CYP7B1: variants seen among roughly 807,000 people sequenced by gnomAD.
The protein encoded by CYP7B1 is cytochrome P450 7B1.
Under a neutral mutation model 42.7 loss-of-function variants are expected in CYP7B1, and 29 were observed. The observed-to-expected ratio is 0.68, with a 90% CI of 0.51 to 0.93. The LOEUF is 0.93. Ranked by LOEUF, CYP7B1 falls within the 40% of genes least tolerant of loss-of-function variation. The pLI, the probability that CYP7B1 is intolerant of heterozygous loss-of-function variation, is 0.00. For synonymous variants in CYP7B1, 235 were observed against 218.2 expected (o/e 1.08, Z -0.68); for missense variants, 655 against 600.5 (o/e 1.09, Z -0.95).
Position 64,596,909 on chromosome 8 carries a change from A to G in CYP7B1, c.1254T>C (p.Phe418=), listed in dbSNP as rs1391714575. The G allele has an allele frequency of 6.2e-7, 1 of 1,611,774 alleles. No individual in the cohort carries two copies. The highest frequency in any genetic ancestry group is 1.3e-5 in the African/African-American group (1 of 74,830). The stretch of plus-strand genomic sequence containing the variant: ...TGGTTTTCTTCTTACCATCTTCTAT[A>G]AAACGATCATATCTAAACTCCTGTA... ...EAPEEFRYDR[F]IEDGKKKTTF... is the part of the protein sequence containing the mutation. Residue 418 remains phenylalanine (F), a synonymous_variant, in exon 6 of 6, where the codon TTT becomes TTC. Coordinates refer to ENST00000310193, the MANE Select transcript of CYP7B1 (RefSeq NM_004820.5).
rs77889405 is a variant in CYP7B1, at chr8:64,658,033, A to G, written c.123-33494T>C. Among the ~76,000 whole-genome samples the G allele has an allele frequency of 1.1e-4, 17 of 152,250 alleles. No individual in the cohort carries two copies. The East Asian group carries it at 2.1e-3, about 19-fold the overall frequency. ...TGGCTCCTTCTACCTGTATCCTCCC[A>G]TGGCAGGAGAGATGACCAAGCTTCC... On this transcript the variant is annotated intron_variant, in intron 1 of 5. Transcript: ENST00000310193.
rs1373988435 is a variant in CYP7B1 at position 64,593,380 on chromosome 8, T to G, written c.*3262A>C. ...AACTGTGCTCCACAGAGCAAAACTG[T>G]CAGTATATTTGCCTATCTCAGTCTT... On this transcript the variant is annotated 3_prime_UTR_variant, in exon 6 of 6. Coordinates refer to ENST00000310193, the MANE Select transcript of CYP7B1 (RefSeq NM_004820.5). 6.6e-6 allele frequency among the ~76,000 whole-genome samples: 1 copy of G among 151,986 alleles called. No individual in the cohort carries two copies. Among genetic ancestry groups the G allele is most frequent in the African/African-American group, 2.4e-5 (1 of 41,380 alleles).
At chr8:64,611,860 T>C (rs1200846745) in intron 4 of CYP7B1, among the ~76,000 whole-genome samples, 1 of 152,152 alleles carries the variant, frequency 6.6e-6, no homozygotes, top group Admixed American at 6.6e-5. Flanking sequence ...GACTTGAGCA[T>C]GATGTTCATA....
intron 1 of CYP7B1, among the ~76,000 whole-genome samples, chr8:64,750,929 C>T (rs1807716807): frequency 6.6e-6 from 1 of 152,142 alleles, no homozygotes; most frequent in African/African-American, 2.4e-5. Flanking sequence ...CGCTTCTTGA[C>T]CTTCCCTTTA....
At chr8:64,630,950 A>G (rs1805686652) in intron 1 of CYP7B1, among the ~76,000 whole-genome samples, 1 of 152,154 alleles carries the variant, frequency 6.6e-6, no homozygotes, top group South Asian at 2.1e-4. Flanking sequence ...GTAAGCTGGG[A>G]CTCTCTAAGG....
intron 5 of CYP7B1, among the ~76,000 whole-genome samples, chr8:64,601,948 C>T (rs1002419482): frequency 1.3e-5 from 2 of 152,148 alleles, no homozygotes; most frequent in Admixed American, 6.6e-5. Context: ...TTTATTTGAT[C>T]TATTTAGGCC....
intron 1 of CYP7B1, among the ~76,000 whole-genome samples, chr8:64,775,502 T>G (rs996872056): frequency 3.3e-5 from 5 of 152,208 alleles, no homozygotes; most frequent in Non-Finnish European, 5.9e-5. Context: ...TTTCCTTAGT[T>G]ACTAATGTAT....
At chr8:64,756,999 G>A (rs927796403) in intron 1 of CYP7B1, among the ~76,000 whole-genome samples, 1 of 152,158 alleles carries the variant, frequency 6.6e-6, no homozygotes, top group East Asian at 1.9e-4. Flanking sequence ...GACCAGCCAG[G>A]TCTCCAGTTG....
At chr8:64,705,438 T>C (rs1287495887) in intron 1 of CYP7B1, among the ~76,000 whole-genome samples, 1 of 151,888 alleles carries the variant, frequency 6.6e-6, no homozygotes, top group African/African-American at 2.4e-5. Flanking sequence ...AATCAATGAG[T>C]GAATGAATGG....
Position 64,660,455 on chromosome 8 carries a change from T to C in CYP7B1, c.123-35916A>G, listed in dbSNP as rs552371128. 8.5e-5 allele frequency among the ~76,000 whole-genome samples: 13 copies of C among 152,156 alleles called. No individual in the cohort carries two copies. In the South Asian group the frequency reaches 2.7e-3, roughly 32 times the overall value. On this transcript the variant is annotated intron_variant, in intron 1 of 5. Coordinates refer to ENST00000310193, the MANE Select transcript of CYP7B1 (RefSeq NM_004820.5). ...CAATGAATGAAATTATACACAAGAGTTGGTTGAGGCTGCAGTCTCACTTGA... is the reference window on the plus strand; with the variant it reads ...CAATGAATGAAATTATACACAAGAGCTGGTTGAGGCTGCAGTCTCACTTGA...
intron 1 of CYP7B1, among the ~76,000 whole-genome samples, chr8:64,643,192 T>TATACATATATATACATATATACACACAC (rs1563374454): frequency 8.7e-5 from 10 of 115,190 alleles, no homozygotes; most frequent in East Asian, 4.7e-4. Context: ...CATATATATA[T>TATACATATATATACATATATACACACAC]ACACACACAC....
chr8:64,661,070 A>G (rs1262557311), intron 1 of CYP7B1, among the ~76,000 whole-genome samples: 1 of 152,234 alleles, frequency 6.6e-6, no homozygotes, highest in East Asian at 1.9e-4. Context: ...GAAGATGTAT[A>G]TAACTTGCAG....
At chr8:64,789,417 A>T (rs1804581672) in intron 1 of CYP7B1, among the ~76,000 whole-genome samples, 2 of 152,216 alleles carry the variant, frequency 1.3e-5, no homozygotes, top group African/African-American at 4.8e-5. Flanking sequence ...CATATCTAGG[A>T]TCTTGATAAG....
intron 1 of CYP7B1, among the ~76,000 whole-genome samples, chr8:64,756,975 G>A (rs578047081): frequency 6.6e-6 from 1 of 152,290 alleles, no homozygotes; most frequent in East Asian, 1.9e-4. Flanking sequence ...GGGATTTCCA[G>A]CACTTATTGT....
At chr8:64,647,224 A>G (rs1805967647) in intron 1 of CYP7B1, among the ~76,000 whole-genome samples, 1 of 152,184 alleles carries the variant, frequency 6.6e-6, no homozygotes, top group African/African-American at 2.4e-5. Context: ...ACTATCTTAT[A>G]TGGGTGCAAT....
intron 1 of CYP7B1, among the ~76,000 whole-genome samples, chr8:64,773,400 A>C (rs4737682): frequency 0.97 from 147,058 of 152,330 alleles, 71,089 homozygotes; most frequent in African/African-American, 0.99. Context: ...TAAATGGGAT[A>C]TTCCCTATCA....
intron 1 of CYP7B1, among the ~76,000 whole-genome samples, chr8:64,692,860 C>T (rs965138737): frequency 2.0e-5 from 3 of 152,178 alleles, no homozygotes; most frequent in African/African-American, 4.8e-5. Context: ...AAACTGTTCT[C>T]GAGCCACATG....
At chr8:64,671,020 G>C (rs1247104641) in intron 1 of CYP7B1, among the ~76,000 whole-genome samples, 1 of 152,058 alleles carries the variant, frequency 6.6e-6, no homozygotes. Flanking sequence ...AGCTTGTAAG[G>C]TCTATGTAAT....
chr8:64,789,142 T>A (rs1386635691), intron 1 of CYP7B1, among the ~76,000 whole-genome samples: 1 of 152,036 alleles, frequency 6.6e-6, no homozygotes, highest in Non-Finnish European at 1.5e-5. Context: ...TGGCCAGGCT[T>A]GTCTCAAACT....
Sources: gnomAD v4.1 joint callset for allele counts (sites outside exome capture counted in the v4.1 genomes callset) on GRCh38, gnomAD v4.1.1 for gene constraint, MANE v1.5 for transcripts, NCBI Gene and HGNC (gene_info 2026-07-23, HGNC 2026-07-21) for gene names.